The following CARMIL1 variants were observed in gnomAD, a reference collection of about 807,000 sequenced individuals.
CARMIL1 encodes the protein F-actin-uncapping protein LRRC16A.
CARMIL1 carries 90 observed loss-of-function variants against 177.1 expected under a neutral mutation model. That is an observed-to-expected ratio of 0.51 (90% CI 0.43 to 0.61). The LOEUF (loss-of-function observed/expected upper bound fraction) is 0.61, where lower values mean the gene tolerates loss of function less well. Among genes scored for constraint, CARMIL1 ranks in the 20% least tolerant of loss-of-function variants. CARMIL1 has a pLI of 0.00. For missense variants in CARMIL1, 1,380 were observed against 1,667.0 expected (o/e 0.83, Z 3.00); for synonymous variants, 577 against 606.2 (o/e 0.95, Z 0.71).
At chr6:25,549,239 G>T (rs1195743816) in intron 26 of CARMIL1, among the ~76,000 whole-genome samples, 1 of 152,190 alleles carries the variant, frequency 6.6e-6, no homozygotes, top group East Asian at 1.9e-4. Context: ...CCCTTTAGGT[G>T]TGAAGTTCAT....
chr6:25,495,417 A>G (rs1008163358), intron 16 of CARMIL1, among the ~76,000 whole-genome samples: 2 of 152,136 alleles, frequency 1.3e-5, no homozygotes, highest in African/African-American at 2.4e-5. Context: ...TCTAAGAAAA[A>G]ACATCTTTTG....
intron 5 of CARMIL1, among the ~76,000 whole-genome samples, chr6:25,437,168 GTTTC>G (rs1797306126): frequency 6.6e-6 from 1 of 152,130 alleles, no homozygotes; most frequent in Non-Finnish European, 1.5e-5. Flanking sequence ...TTGTACATGT[GTTTC>G]TTTATAATGT....
intron 4 of CARMIL1, among the ~76,000 whole-genome samples, chr6:25,431,824 A>G (rs1294027015): frequency 1.3e-5 from 2 of 152,122 alleles, no homozygotes; most frequent in Non-Finnish European, 2.9e-5. Flanking sequence ...TGTCAGTGTC[A>G]GTACCAAATG....
rs1345221875 is a variant in CARMIL1 at position 25,279,450 on chromosome 6, A to T, written c.-346A>T. On this transcript the variant is annotated 5_prime_UTR_variant, in exon 1 of 37. Coordinates refer to ENST00000329474, the MANE Select transcript of CARMIL1 (RefSeq NM_017640.6). ...GGCTGGGCGGGAGCTACGCCGGCCC[A>T]AGCCCCGCCGGGGACCAGCGAGCCG... The T allele has an allele frequency of 9.9e-6, 4 of 405,734 alleles. No homozygotes were observed. Among genetic ancestry groups the T allele is most frequent in the Non-Finnish European group, 1.8e-5 (4 of 221,356 alleles). 25.1% of individuals were successfully genotyped at this position (405,734 alleles called of 1,614,324 possible).
chr6:25,435,170 A>C (rs1797119563), intron 4 of CARMIL1, among the ~76,000 whole-genome samples: 1 of 152,168 alleles, frequency 6.6e-6, no homozygotes, highest in South Asian at 2.1e-4. Context: ...CACTTACTTC[A>C]GTTTCTAGAC....
intron 2 of CARMIL1, chr6:25,388,270 G>C (rs528134943): frequency 9.8e-5 from 15 of 152,322 alleles, no homozygotes; most frequent in African/African-American, 3.4e-4. Flanking sequence ...GTCTGCCTTA[G>C]TTAAAATAGC....
chr6:25,302,131 A>G (rs1782904454), intron 2 of CARMIL1, among the ~76,000 whole-genome samples: 1 of 152,210 alleles, frequency 6.6e-6, no homozygotes, highest in Admixed American at 6.5e-5. Context: ...TCTGTTTTGA[A>G]TGATCGGCAC....
chr6:25,291,560 C>T (rs1023962996), intron 2 of CARMIL1, among the ~76,000 whole-genome samples: 9 of 152,106 alleles, frequency 5.9e-5, no homozygotes, highest in East Asian at 1.9e-4. Flanking sequence ...ACTTTTCAGA[C>T]GGATATTCAT....
chr6:25,464,195 G>T (rs1449708023), intron 8 of CARMIL1, among the ~76,000 whole-genome samples: 1 of 152,114 alleles, frequency 6.6e-6, no homozygotes, highest in Non-Finnish European at 1.5e-5. Context: ...AGGCTTGTCA[G>T]TAGAAAACCT....
chr6:25,491,878 G>C, intron 14 of CARMIL1, 69 bp downstream of exon 14: 1 of 1,530,598 alleles, frequency 6.5e-7, no homozygotes, highest in Non-Finnish European at 9.0e-7. Context: ...GGGATGTAGG[G>C]GACCTCTAAT....
chr6:25,390,310 ATATATATATATTTTTT>A (rs1353566629), intron 2 of CARMIL1, among the ~76,000 whole-genome samples: 966 of 38,632 alleles, frequency 0.025, 53 homozygotes, highest in East Asian at 0.06. Context: ...ATATATATAT[ATATATATATATTTTTT>A]TTTTTTTTTT....
At chr6:25,522,898 C>T (rs961328979) in intron 23 of CARMIL1, among the ~76,000 whole-genome samples, 2 of 152,154 alleles carry the variant, frequency 1.3e-5, no homozygotes, top group Non-Finnish European at 2.9e-5. Flanking sequence ...CAGCCTCAAC[C>T]ACCTGTGCTC....
intron 2 of CARMIL1, among the ~76,000 whole-genome samples, chr6:25,290,512 G>A (rs1477010158): frequency 6.6e-6 from 1 of 151,526 alleles, no homozygotes; most frequent in Non-Finnish European, 1.5e-5. Flanking sequence ...CCTCTCTCCA[G>A]GATGGTGGCC....
intron 5 of CARMIL1, among the ~76,000 whole-genome samples, chr6:25,436,547 G>A (rs777200754): frequency 2.0e-5 from 3 of 152,222 alleles, no homozygotes; most frequent in Non-Finnish European, 4.4e-5. Flanking sequence ...GAAAACCTAG[G>A]CTTCTAGTCA....
At chr6:25,350,234 G>A (rs1196517438) in intron 2 of CARMIL1, among the ~76,000 whole-genome samples, 1 of 152,196 alleles carries the variant, frequency 6.6e-6, no homozygotes, top group Non-Finnish European at 1.5e-5. Flanking sequence ...CCTATTCTTA[G>A]TATTTTTGCT....
chr6:25,402,811 A>G (rs1040113364), intron 2 of CARMIL1, among the ~76,000 whole-genome samples: 1 of 152,220 alleles, frequency 6.6e-6, no homozygotes, highest in Admixed American at 6.5e-5. Context: ...GAACAGAGAA[A>G]AGGTGAAAGG....
At chr6:25,495,798 TA>T (rs1407534920) in intron 16 of CARMIL1, among the ~76,000 whole-genome samples, 1 of 152,186 alleles carries the variant, frequency 6.6e-6, no homozygotes, top group African/African-American at 2.4e-5. Context: ...GGTTTGAGAA[TA>T]ATTTATTATC....
chr6:25,362,003 AAAT>A (rs1789249880), intron 2 of CARMIL1, among the ~76,000 whole-genome samples: 1 of 152,158 alleles, frequency 6.6e-6, no homozygotes, highest in African/African-American at 2.4e-5. Context: ...AAGAAAGAAA[AAAT>A]TTTAAAAAAT....
chr6:25,377,424 G>T (rs1293934406), intron 2 of CARMIL1, among the ~76,000 whole-genome samples: 1 of 152,110 alleles, frequency 6.6e-6, no homozygotes, highest in Non-Finnish European at 1.5e-5. Context: ...CTTCCCTTAG[G>T]AGTAGAAATC....
Sources: gnomAD v4.1 joint callset for allele counts (sites outside exome capture counted in the v4.1 genomes callset) on GRCh38, gnomAD v4.1.1 for gene constraint, MANE v1.5 for transcripts, NCBI Gene and HGNC (gene_info 2026-07-23, HGNC 2026-07-21) for gene names.